FRMD4A: variants seen among roughly 807,000 people sequenced by gnomAD.
The protein encoded by FRMD4A is FERM domain-containing protein 4A.
FRMD4A carries 29 observed loss-of-function variants against 129.1 expected under a neutral mutation model. The observed-to-expected ratio is 0.22, with a 90% CI of 0.17 to 0.31. The LOEUF (loss-of-function observed/expected upper bound fraction) is 0.31. FRMD4A is among the 10% of genes least tolerant of loss of function. The pLI, the probability that FRMD4A is intolerant of heterozygous loss-of-function variation, is 1.00. For synonymous variants in FRMD4A, 634 were observed against 571.6 expected, an observed-to-expected ratio of 1.11 and a Z score of -1.56; for missense variants, 1,272 against 1,375.8, an observed-to-expected ratio of 0.92 and a Z score of 1.19.
intron 17 of FRMD4A, among the ~76,000 whole-genome samples, chr10:13,666,654 A>T (rs1384447557): frequency 1.3e-5 from 2 of 152,158 alleles, no homozygotes; most frequent in African/African-American, 4.8e-5. Context: ...CTTTGGAGAG[A>T]TTCAGAGCCC....
chr10:14,244,216 C>T (rs2132009852), intron 2 of FRMD4A, among the ~76,000 whole-genome samples: 1 of 152,324 alleles, frequency 6.6e-6, no homozygotes, highest in Non-Finnish European at 1.5e-5. Flanking sequence ...ATTCCCTAAA[C>T]ACCTCAGATG....
chr10:13,707,384 G>T (rs1421812936), intron 12 of FRMD4A: 1 of 1,135,418 alleles, frequency 8.8e-7, no homozygotes, highest in Admixed American at 4.2e-5. Flanking sequence ...TCCGCCTTCG[G>T]TCGGCCTTTG....
intron 2 of FRMD4A, among the ~76,000 whole-genome samples, chr10:13,942,579 A>T (rs935596701): frequency 1.3e-5 from 2 of 152,244 alleles, no homozygotes; most frequent in Non-Finnish European, 2.9e-5. Flanking sequence ...TCATTTTAAA[A>T]GGATCTGTGG....
At chr10:14,023,458 C>G (rs183464298) in intron 2 of FRMD4A, among the ~76,000 whole-genome samples, 10 of 152,356 alleles carry the variant, frequency 6.6e-5, no homozygotes, top group Non-Finnish European at 1.0e-4. Flanking sequence ...TCTCCAGCTG[C>G]GAGACGCAGA....
intron 2 of FRMD4A, among the ~76,000 whole-genome samples, chr10:14,210,451 A>G (rs1213551877): frequency 6.6e-6 from 1 of 152,180 alleles, no homozygotes; most frequent in East Asian, 1.9e-4. Context: ...CAACAAACTA[A>G]TATAACCCCT....
chr10:13,975,456 CTGTT>C (rs767680725), intron 2 of FRMD4A, among the ~76,000 whole-genome samples: 28 of 151,016 alleles, frequency 1.9e-4, no homozygotes, highest in East Asian at 9.8e-4. Context: ...ATTCGTGTGT[CTGTT>C]TGTCTATTAT....
intron 2 of FRMD4A, among the ~76,000 whole-genome samples, chr10:14,059,399 A>G (rs906438820): frequency 1.3e-5 from 2 of 152,208 alleles, no homozygotes; most frequent in Non-Finnish European, 2.9e-5. Flanking sequence ...AAATAATATC[A>G]TATGGGTGAG....
chr10:14,147,692 G>A (rs1206605937), intron 2 of FRMD4A, among the ~76,000 whole-genome samples: 1 of 152,096 alleles, frequency 6.6e-6, no homozygotes, highest in Non-Finnish European at 1.5e-5. Flanking sequence ...TGCCGCTGCT[G>A]ATCTGACAGG....
intron 12 of FRMD4A, among the ~76,000 whole-genome samples, chr10:13,732,291 A>T (rs2090368927): frequency 6.7e-6 from 1 of 148,858 alleles, no homozygotes; most frequent in Non-Finnish European, 1.5e-5. Context: ...GTCATCAGCT[A>T]CTCTTTCTTG....
At chr10:14,290,613 C>G (rs576194431) in intron 2 of FRMD4A, among the ~76,000 whole-genome samples, 1 of 152,094 alleles carries the variant, frequency 6.6e-6, no homozygotes, top group African/African-American at 2.4e-5. Flanking sequence ...AGCACAAGAC[C>G]TAGAACTATA....
chr10:14,031,323 A>G (rs1833233424), intron 2 of FRMD4A, among the ~76,000 whole-genome samples: 1 of 151,276 alleles, frequency 6.6e-6, no homozygotes, highest in Non-Finnish European at 1.5e-5. Context: ...GCTGGAGTGC[A>G]ATGGCACAAT....
intron 2 of FRMD4A, among the ~76,000 whole-genome samples, chr10:13,881,584 C>A (rs940436524): frequency 6.6e-6 from 1 of 152,088 alleles, no homozygotes. Flanking sequence ...TAGAGATCTG[C>A]GCAGACAAGT....
chr10:14,123,462 G>A (rs1318463078), intron 2 of FRMD4A, among the ~76,000 whole-genome samples: 2 of 152,196 alleles, frequency 1.3e-5, no homozygotes, highest in African/African-American at 2.4e-5. Flanking sequence ...AATACATGGG[G>A]CCAGAAAACT....
intron 2 of FRMD4A, among the ~76,000 whole-genome samples, chr10:14,121,571 C>T (rs1838521232): frequency 6.6e-6 from 1 of 152,102 alleles, no homozygotes; most frequent in African/African-American, 2.4e-5. Flanking sequence ...GGAGTGAATG[C>T]CACTGAGAGG....
intron 14 of FRMD4A, among the ~76,000 whole-genome samples, chr10:13,699,611 T>C (rs1021039014): frequency 6.6e-6 from 1 of 152,186 alleles, no homozygotes; most frequent in African/African-American, 2.4e-5. Context: ...CCTTTTCCTC[T>C]GTCCACACTG....
At chr10:13,976,910 G>T (rs11258770) in intron 2 of FRMD4A, among the ~76,000 whole-genome samples, 47,083 of 151,980 alleles carry the variant, frequency 0.31, 7,768 homozygotes, top group East Asian at 0.6. Context: ...TTTCTTGGAT[G>T]CATTTTGTTA....
chr10:13,890,541 T>C, intron 2 of FRMD4A: 1 of 979,828 alleles, frequency 1.0e-6, no homozygotes, highest in Non-Finnish European at 1.2e-6. Flanking sequence ...GGCAGATGTA[T>C]TCCCGATAGA....
chr10:13,906,166 T>C (rs111919332), intron 2 of FRMD4A, among the ~76,000 whole-genome samples: 4 of 152,242 alleles, frequency 2.6e-5, no homozygotes, highest in South Asian at 2.1e-4. Context: ...GTAACCCTCA[T>C]GGCAATCACA....
intron 14 of FRMD4A, among the ~76,000 whole-genome samples, chr10:13,695,062 G>A (rs2086084824): frequency 6.6e-6 from 1 of 152,058 alleles, no homozygotes. Flanking sequence ...GCTCTATTTG[G>A]TTAAAAGTCA....
Sources: gnomAD v4.1 joint callset for allele counts (sites outside exome capture counted in the v4.1 genomes callset) on GRCh38, gnomAD v4.1.1 for gene constraint, MANE v1.5 for transcripts, NCBI Gene and HGNC (gene_info 2026-07-23, HGNC 2026-07-21) for gene names.